Variants in FBN2 observed in about 807,000 individuals in gnomAD.
FBN2 encodes fibrillin-2.
A neutral mutation model predicts 355.6 loss-of-function variants in FBN2; 105 were observed. The observed-to-expected ratio is 0.30, with a 90% CI of 0.25 to 0.35. The LOEUF (loss-of-function observed/expected upper bound fraction) is 0.35, where lower values mean the gene tolerates loss of function less well. FBN2 is among the 10% of genes least tolerant of loss of function. The pLI is 1.00. For synonymous variants in FBN2, 1,350 were observed against 1,301.2 expected (o/e 1.04, Z -0.81); for missense variants, 3,280 against 3,758.7 (o/e 0.87, Z 3.33).
chr5:128,401,729 C>T (rs946255094), intron 8 of FBN2, among the ~76,000 whole-genome samples: 7 of 151,966 alleles, frequency 4.6e-5, no homozygotes, highest in Non-Finnish European at 1.0e-4. Flanking sequence ...TGCAGTGAGC[C>T]GATATCACGC....
At chr5:128,498,314 A>T (rs535359517) in intron 5 of FBN2, among the ~76,000 whole-genome samples, 1 of 152,298 alleles carries the variant, frequency 6.6e-6, no homozygotes, top group African/African-American at 2.4e-5. Flanking sequence ...CCAACATCTC[A>T]CCAGTCACGG....
intron 5 of FBN2, among the ~76,000 whole-genome samples, chr5:128,510,113 A>T (rs1342069301): frequency 6.6e-6 from 1 of 152,154 alleles, no homozygotes; most frequent in Admixed American, 6.5e-5. Flanking sequence ...CCCAGAACTT[A>T]GGGAGTCTGC....
chr5:128,295,947 C>T (rs1749495394), intron 48 of FBN2, among the ~76,000 whole-genome samples: 2 of 146,268 alleles, frequency 1.4e-5, no homozygotes, highest in Non-Finnish European at 3.0e-5. Flanking sequence ...AGTTTTTGCC[C>T]ATTCAGTATG....
Position 128,330,566 on chromosome 5 carries a change from C to A in FBN2, c.4345+7G>T. The A allele has an allele frequency of 6.2e-7, 1 of 1,613,968 alleles. No individual in the cohort carries two copies. Among genetic ancestry groups the A allele is most frequent in the Admixed American group, 1.7e-5 (1 of 60,006 alleles). On this transcript the variant is annotated splice_region_variant and intron_variant, in intron 33 of 64. Coordinates refer to ENST00000262464, the MANE Select transcript of FBN2 (RefSeq NM_001999.4). The stretch of plus-strand genomic sequence containing the variant: ...CCGTCAGAGCACACCTCAGGACTGT[C>A]ACCCACCTGAGCAGGTAAAGCCATC...
intron 5 of FBN2, among the ~76,000 whole-genome samples, chr5:128,473,017 C>T (rs1462912299): frequency 6.6e-6 from 1 of 152,144 alleles, no homozygotes; most frequent in Admixed American, 6.5e-5. Context: ...GACCACGCCC[C>T]TCGTGATGGA....
At position 128,307,202 on chromosome 5, in the gene FBN2, A is replaced by G; in HGVS notation, c.5355T>C (p.Ala1785=). The G allele has an allele frequency of 6.3e-7, 1 of 1,588,568 alleles. No individual in the cohort carries two copies. The highest frequency in any genetic ancestry group is 1.3e-5 in the African/African-American group (1 of 74,518). ...TATTTCCACATATGGTTTTAAAGTC[A>G]GCTTTAAAATATAAACAAAGCAATG... The part of the protein sequence containing the change: ...PCEPCPTPGT[A]DFKTICGNIP... Residue 1785 remains alanine (A), a splice_region_variant and synonymous_variant, in exon 42 of 65, where the codon GCT becomes GCC. Transcript: ENST00000262464.
At chr5:128,407,281 T>C (rs1257004295) in intron 8 of FBN2, among the ~76,000 whole-genome samples, 1 of 152,242 alleles carries the variant, frequency 6.6e-6, no homozygotes, top group Non-Finnish European at 1.5e-5. Context: ...ATATTTCTTT[T>C]ATTTGTAAAT....
chr5:128,535,072 T>C (rs1561503419), intron 2 of FBN2, among the ~76,000 whole-genome samples: 1 of 152,224 alleles, frequency 6.6e-6, no homozygotes, highest in Admixed American at 6.5e-5. Context: ...ATATGACTTC[T>C]GTGTTGGAGA....
intron 20 of FBN2, among the ~76,000 whole-genome samples, chr5:128,356,262 G>A (rs1355274843): frequency 6.6e-6 from 1 of 152,168 alleles, no homozygotes; most frequent in East Asian, 1.9e-4. Context: ...ACTGGGAAAC[G>A]AGGAGTTGGT....
chr5:128,513,619 A>G (rs537246466), intron 5 of FBN2, among the ~76,000 whole-genome samples: 1 of 152,342 alleles, frequency 6.6e-6, no homozygotes, highest in East Asian at 1.9e-4. Context: ...TATTTTACAG[A>G]TCTAAACAGC....
chr5:128,274,822 T>C lies in FBN2; in HGVS notation c.7595-139A>G, dbSNP rs73341402. On this transcript the variant is annotated intron_variant, in intron 59 of 64. Coordinates refer to ENST00000262464, the MANE Select transcript of FBN2 (RefSeq NM_001999.4). Reference sequence around the variant, plus strand: ...TTGCTGGAAGCTTCGTAGATTTCCATAGGCATATGGCAAACAGTTTCTTTT... The same window carrying C: ...TTGCTGGAAGCTTCGTAGATTTCCACAGGCATATGGCAAACAGTTTCTTTT... The C allele has an allele frequency of 1.1e-3, 776 of 704,326 alleles. 3 individuals carry two copies. In the African/African-American group the frequency reaches 0.012, roughly 11 times the overall value. 43.6% of individuals were successfully genotyped at this position (704,326 alleles called of 1,614,324 possible).
intron 5 of FBN2, among the ~76,000 whole-genome samples, chr5:128,493,581 G>A (rs1464505428): frequency 6.6e-6 from 1 of 152,078 alleles, no homozygotes; most frequent in African/African-American, 2.4e-5. Context: ...TCTATATCAA[G>A]TTAAGAAATG....
intron 55 of FBN2, among the ~76,000 whole-genome samples, chr5:128,286,323 G>C (rs1353878725): frequency 6.6e-6 from 1 of 152,142 alleles, no homozygotes; most frequent in Non-Finnish European, 1.5e-5. Flanking sequence ...AAAATTGACA[G>C]ATACAGCTAA....
At chr5:128,500,355 A>G (rs1012830892) in intron 5 of FBN2, among the ~76,000 whole-genome samples, 5 of 151,496 alleles carry the variant, frequency 3.3e-5, no homozygotes, top group African/African-American at 1.2e-4. Context: ...CAGACAAGGA[A>G]TGAAACGGAA....
At chr5:128,339,131 T>C in intron 25 of FBN2, 70 bp from the exon 26 acceptor site, 1 of 1,531,680 alleles carries the variant, frequency 6.5e-7, no homozygotes, top group Non-Finnish European at 9.0e-7. Flanking sequence ...GCGAAGGTGC[T>C]GCATGCTTGA....
intron 5 of FBN2, among the ~76,000 whole-genome samples, chr5:128,485,326 A>G (rs1755309444): frequency 6.6e-6 from 1 of 152,204 alleles, no homozygotes; most frequent in Admixed American, 6.5e-5. Context: ...CCTGGCCTGC[A>G]GAAGGAAACA....
chr5:128,421,033 C>T (rs948062627), intron 7 of FBN2, among the ~76,000 whole-genome samples: 2 of 152,122 alleles, frequency 1.3e-5, no homozygotes, highest in Admixed American at 6.6e-5. Flanking sequence ...TTCTTCCAGA[C>T]AATGAAAATA....
Position 128,307,115 on chromosome 5 carries a change from CAT to C in FBN2, c.5422+18_5422+19del, listed in dbSNP as rs2126840604. The C allele has an allele frequency of 1.3e-6, 2 of 1,533,560 alleles. No individual in the cohort carries two copies. Among genetic ancestry groups the C allele is most frequent in the East Asian group, 2.3e-5 (1 of 44,370 alleles). 95.0% of individuals were successfully genotyped at this position (1,533,560 alleles called of 1,614,324 possible). The stretch of plus-strand genomic sequence containing the variant: ...TGCTACACATATGTATTAAAACAAA[CAT>C]AATCTGGAAAAACTCACCAACAGCT... On this transcript the variant is annotated intron_variant, in intron 42 of 64. Coordinates refer to ENST00000262464, the MANE Select transcript of FBN2 (RefSeq NM_001999.4).
intron 4 of FBN2, among the ~76,000 whole-genome samples, chr5:128,519,801 G>C (rs916985436): frequency 6.6e-6 from 1 of 151,484 alleles, no homozygotes; most frequent in African/African-American, 2.4e-5. Context: ...CAGGGAAGGA[G>C]TAGGAGGAGA....
Sources: gnomAD v4.1 joint callset for allele counts (sites outside exome capture counted in the v4.1 genomes callset) on GRCh38, gnomAD v4.1.1 for gene constraint, MANE v1.5 for transcripts, NCBI Gene and HGNC (gene_info 2026-07-23, HGNC 2026-07-21) for gene names.